FGF2: variants seen among roughly 807,000 people sequenced by gnomAD.
The protein encoded by FGF2 is fibroblast growth factor 2.
A neutral mutation model predicts 15.9 loss-of-function variants in FGF2; 13 were observed. That is an observed-to-expected ratio of 0.82 (90% CI 0.53 to 1.30). The LOEUF (loss-of-function observed/expected upper bound fraction) is 1.30, where lower values mean the gene tolerates loss of function less well. FGF2 is among the 50% of genes most tolerant of loss of function. The probability of loss-of-function intolerance (pLI) is 0.00; values close to 1 mark genes in which losing one functional copy is unlikely to be tolerated. For missense variants in FGF2, 163 were observed against 196.9 expected, an observed-to-expected ratio of 0.83 and a Z score of 1.03; for synonymous variants, 90 against 78.4, an observed-to-expected ratio of 1.15 and a Z score of -0.78.
intron 1 of FGF2, among the ~76,000 whole-genome samples, chr4:122,851,639 C>T (rs775759510): frequency 2.0e-5 from 3 of 152,126 alleles, no homozygotes; most frequent in Non-Finnish European, 2.9e-5. Context: ...TAAATAGGGG[C>T]TAGAATTGAT....
In FGF2 at chr4:122,893,210, C is replaced by T. The variant is rs757555425; in HGVS notation, c.*814C>T. 25 of 1,606,722 alleles carry T rather than the reference C, an allele frequency of 1.6e-5. No individual in the cohort carries two copies. Among genetic ancestry groups the T allele is most frequent in the Non-Finnish European group, 2.1e-5 (25 of 1,175,418 alleles). On this transcript the variant is annotated 3_prime_UTR_variant, in exon 3 of 3. Coordinates refer to ENST00000644866, the MANE Select transcript of FGF2 (RefSeq NM_001361665.2). ...TATACCAGTCTCTTCAAAAACTTCT[C>T]GAACCGCTGTGTCTCCTACGTAAAA...
At position 122,897,356 on chromosome 4, in the gene FGF2, A is replaced by C. The variant is rs1476217; in HGVS notation, c.*4960A>C. 0.41 allele frequency: 165,710 copies of C among 406,886 alleles called. 35,738 individuals carry two copies. The highest frequency in any genetic ancestry group is 0.61 in the South Asian group (17,378 of 28,266). The allele number at this position is 406,886 out of a possible 1,614,324, so 25.2% of individuals were successfully genotyped here. ...TACTGATGTATATCCAAAGCTTCTC[A>C]TTTTCAGACAGATTAATCCAGAAGC... is the stretch of plus-strand genomic sequence containing the variant. On this transcript the variant is annotated 3_prime_UTR_variant, in exon 3 of 3. Transcript: ENST00000644866.
chr4:122,893,092 T>A lies in FGF2; in HGVS notation c.*696T>A, dbSNP rs771737486. 6 of 1,614,182 alleles carry A rather than the reference T, an allele frequency of 3.7e-6. No homozygotes were observed. The Admixed American group carries it at 8.3e-5, about 22-fold the overall frequency. ...AATTTATGGTGAATGAATATGGCTT[T>A]AGGCGGCAGATGATATACATATCTG... On this transcript the variant is annotated 3_prime_UTR_variant, in exon 3 of 3. Transcript: ENST00000644866.
chr4:122,862,937 T>G (rs796967792), intron 1 of FGF2, among the ~76,000 whole-genome samples: 2 of 152,132 alleles, frequency 1.3e-5, no homozygotes, highest in Non-Finnish European at 2.9e-5. Flanking sequence ...CTCTAGGGAG[T>G]CATCTCCGGC....
At chr4:122,846,289 A>G (rs147478499) in intron 1 of FGF2, among the ~76,000 whole-genome samples, 1 of 152,370 alleles carries the variant, frequency 6.6e-6, no homozygotes, top group African/African-American at 2.4e-5. Context: ...AGTTTGAAAT[A>G]TTGCGACAAT....
rs1726813008 is a variant in FGF2, at chr4:122,875,174, A to G, written c.179-1147A>G. Among the ~76,000 whole-genome samples, 4 of 152,246 alleles carry G rather than the reference A, an allele frequency of 2.6e-5. No homozygotes were observed. The South Asian group carries it at 8.3e-4, about 32-fold the overall frequency. The stretch of plus-strand genomic sequence containing the variant: ...GAGAATGCTGCCTCTGAATAGCAAA[A>G]TAATCTTTACTTCATTTTTATTTCA... On this transcript the variant is annotated intron_variant, in intron 1 of 2. Coordinates refer to ENST00000644866, the MANE Select transcript of FGF2 (RefSeq NM_001361665.2).
chr4:122,859,580 A>T (rs1439318359), intron 1 of FGF2, among the ~76,000 whole-genome samples: 1 of 151,350 alleles, frequency 6.6e-6, no homozygotes, highest in Non-Finnish European at 1.5e-5. Context: ...AAAACAAAGC[A>T]GGTAGGGTGC....
intron 1 of FGF2, among the ~76,000 whole-genome samples, chr4:122,845,007 A>T (rs1035357988): frequency 6.6e-6 from 1 of 152,208 alleles, no homozygotes; most frequent in Non-Finnish European, 1.5e-5. Flanking sequence ...CTATACCCTT[A>T]CAAAATACAT....
intron 1 of FGF2, among the ~76,000 whole-genome samples, chr4:122,848,592 A>G (rs939271316): frequency 6.6e-6 from 1 of 152,004 alleles, no homozygotes. Flanking sequence ...CCTTTAGTTG[A>G]CCTGGGCCTC....
chr4:122,861,423 T>C (rs914314865), intron 1 of FGF2, among the ~76,000 whole-genome samples: 6 of 152,184 alleles, frequency 3.9e-5, no homozygotes, highest in African/African-American at 1.4e-4. Context: ...CACCTCCAAG[T>C]TATCCAAGAC....
chr4:122,891,338 C>T (rs1350643524), intron 2 of FGF2, among the ~76,000 whole-genome samples: 2 of 151,970 alleles, frequency 1.3e-5, no homozygotes, highest in Non-Finnish European at 2.9e-5. Context: ...CCGCGCCCGG[C>T]CGAACATTTA....
intron 1 of FGF2, among the ~76,000 whole-genome samples, chr4:122,860,447 C>CTTTTTTTT (rs34541038): frequency 6.6e-5 from 6 of 90,918 alleles, no homozygotes; most frequent in South Asian, 4.9e-4. Context: ...CTAAGGTTAA[C>CTTTTTTTT]TTTTTTTTTT....
chr4:122,848,377 T>A (rs1726158546), intron 1 of FGF2, among the ~76,000 whole-genome samples: 1 of 152,220 alleles, frequency 6.6e-6, no homozygotes, highest in Non-Finnish European at 1.5e-5. Context: ...GGAATAATAA[T>A]CTTATTCCAG....
chr4:122,864,505 G>A (rs924863844), intron 1 of FGF2, among the ~76,000 whole-genome samples: 2 of 152,198 alleles, frequency 1.3e-5, no homozygotes, highest in Non-Finnish European at 2.9e-5. Context: ...TCCAGCTAGT[G>A]TTAAAATTTT....
rs1379832784 is a variant in FGF2 at position 122,827,417 on chromosome 4, T to G, written c.178+65T>G. ...GTGGGTTCTCGCCCGCTCTCTCCCC[T>G]CCAGCCTGCACCCTCCTCCCGGATC... On this transcript the variant is annotated intron_variant, in intron 1 of 2. Coordinates refer to ENST00000644866, the MANE Select transcript of FGF2 (RefSeq NM_001361665.2). This position sits in a 1 kb window ranked among gnomAD's most constrained non-coding sequence, Gnocchi z 4.2. The G allele has an allele frequency of 3.9e-6, 6 of 1,555,820 alleles. No individual in the cohort carries two copies. In the Admixed American group the frequency reaches 5.0e-5, roughly 13 times the overall value.
intron 1 of FGF2, among the ~76,000 whole-genome samples, chr4:122,866,980 C>A (rs897555027): frequency 6.6e-6 from 1 of 152,178 alleles, no homozygotes; most frequent in Non-Finnish European, 1.5e-5. Context: ...ATACAATGGA[C>A]TATTATTTGG....
At position 122,881,942 on chromosome 4, in the gene FGF2, G is replaced by A. The variant is rs148680238; in HGVS notation, c.282+5518G>A. On this transcript the variant is annotated intron_variant, in intron 2 of 2. Coordinates refer to ENST00000644866, the MANE Select transcript of FGF2 (RefSeq NM_001361665.2). ...GCTGGGGAAGCCTCACAATCACGGC[G>A]GAAGGCAAGGAAGAGCAAGTCACAT... 1.6e-3 allele frequency: 251 copies of A among 153,772 alleles called. 1 individual carries two copies. Among genetic ancestry groups the A allele is most frequent in the Admixed American group, 4.3e-3 (66 of 15,308 alleles). 9.5% of individuals were successfully genotyped at this position (153,772 alleles called of 1,614,324 possible).
intron 1 of FGF2, among the ~76,000 whole-genome samples, chr4:122,839,226 G>C (rs992443324): frequency 6.6e-6 from 1 of 152,024 alleles, no homozygotes. Flanking sequence ...ACATTGAAAA[G>C]GTACAGTAAA....
At chr4:122,857,511 A>T (rs1433366188) in intron 1 of FGF2, among the ~76,000 whole-genome samples, 1 of 152,220 alleles carries the variant, frequency 6.6e-6, no homozygotes, top group Non-Finnish European at 1.5e-5. Flanking sequence ...TCACTATAGA[A>T]ATAAAAGCCA....
Sources: allele counts gnomAD v4.1 joint callset (sites outside exome capture counted in the v4.1 genomes callset), GRCh38; gene constraint gnomAD v4.1.1; non-coding constraint Gnocchi (gnomAD v3.1); transcripts MANE v1.5; gene names NCBI Gene and HGNC (gene_info 2026-07-23, HGNC 2026-07-21).